The following EYS variants were observed in gnomAD, a reference collection of about 807,000 sequenced individuals.
EYS encodes the protein protein eyes shut homolog.
EYS carries 250 observed loss-of-function variants against 282.1 expected under a neutral mutation model. The ratio of observed to expected loss-of-function variants is 0.89; its 90% confidence interval spans 0.80 to 0.98. The LOEUF is 0.98. Ranked by LOEUF, EYS falls within the 50% of genes least tolerant of loss-of-function variation. The pLI is 0.00. For missense variants in EYS, 4,016 were observed against 3,709.0 expected (o/e 1.08, Z -2.15); for synonymous variants, 1,355 against 1,282.9 (o/e 1.06, Z -1.20).
intron 30 of EYS, among the ~76,000 whole-genome samples, chr6:64,237,492 A>G (rs948734045): frequency 1.3e-5 from 2 of 152,166 alleles, no homozygotes; most frequent in African/African-American, 4.8e-5. Context: ...CATCTCTTGT[A>G]CTATTTCAGT....
intron 14 of EYS, among the ~76,000 whole-genome samples, chr6:64,989,799 TACACACACACACACACAC>T (rs3033931): frequency 7.1e-6 from 1 of 140,148 alleles, no homozygotes; most frequent in African/African-American, 2.6e-5. Flanking sequence ...TATATATTCA[TACACACACACACACACAC>T]ACACACACAC....
intron 12 of EYS, among the ~76,000 whole-genome samples, chr6:65,218,680 T>G (rs948947559): frequency 6.6e-6 from 1 of 152,138 alleles, no homozygotes; most frequent in African/African-American, 2.4e-5. Context: ...CCACTCAAGA[T>G]TTGTGAGAAA....
intron 33 of EYS, among the ~76,000 whole-genome samples, chr6:64,050,415 TCTC>T (rs1239625517): frequency 8.5e-5 from 13 of 152,194 alleles, no homozygotes; most frequent in African/African-American, 2.7e-4. Context: ...ATTTTTCCCT[TCTC>T]CTCTTAACTA....
At chr6:64,949,987 A>G (rs1769429962) in intron 14 of EYS, among the ~76,000 whole-genome samples, 1 of 151,940 alleles carries the variant, frequency 6.6e-6, no homozygotes, top group Non-Finnish European at 1.5e-5. Flanking sequence ...ACGTCAAAGA[A>G]TAATTGACAG....
At chr6:64,082,608 A>G (rs879909551) in intron 31 of EYS, among the ~76,000 whole-genome samples, 1 of 152,092 alleles carries the variant, frequency 6.6e-6, no homozygotes, top group Admixed American at 6.5e-5. Context: ...AGGTTAGAGA[A>G]CTGTCACACA....
chr6:64,456,461 T>C (rs1775562344), intron 26 of EYS, among the ~76,000 whole-genome samples: 1 of 152,176 alleles, frequency 6.6e-6, no homozygotes, highest in South Asian at 2.1e-4. Context: ...TGTTTACCAA[T>C]TACATATATG....
chr6:65,206,631 C>T (rs1355057257), intron 12 of EYS, among the ~76,000 whole-genome samples: 3 of 151,684 alleles, frequency 2.0e-5, no homozygotes, highest in Non-Finnish European at 4.4e-5. Flanking sequence ...AAATCCTCAA[C>T]AAAATGCAAG....
intron 35 of EYS, among the ~76,000 whole-genome samples, chr6:63,865,453 T>C (rs530292766): frequency 1.4e-5 from 2 of 140,068 alleles, no homozygotes; most frequent in South Asian, 4.9e-4. Flanking sequence ...AGAATTCCAT[T>C]TAATCTTTTC....
At chr6:64,528,066 A>G (rs1409286518) in intron 26 of EYS, among the ~76,000 whole-genome samples, 1 of 151,908 alleles carries the variant, frequency 6.6e-6, no homozygotes, top group African/African-American at 2.4e-5. Flanking sequence ...GTAGAAAATT[A>G]GGTCATATGG....
chr6:64,570,618 G>T (rs552744165), intron 26 of EYS, among the ~76,000 whole-genome samples: 8 of 152,016 alleles, frequency 5.3e-5, no homozygotes, highest in African/African-American at 1.9e-4. Flanking sequence ...GCAAAAAAAA[G>T]CAGGGATTGC....
chr6:65,621,811 T>G (rs1477780155), intron 2 of EYS, among the ~76,000 whole-genome samples: 1 of 152,112 alleles, frequency 6.6e-6, no homozygotes, highest in Non-Finnish European at 1.5e-5. Flanking sequence ...TTTAAATGTT[T>G]CCTTGATGTG....
chr6:65,282,019 T>G (rs893049582), intron 12 of EYS, among the ~76,000 whole-genome samples: 1 of 151,884 alleles, frequency 6.6e-6, no homozygotes, highest in East Asian at 1.9e-4. Flanking sequence ...ATATGTGGAA[T>G]CTTAAACGAT....
chr6:64,568,231 A>G (rs17403480), intron 26 of EYS, among the ~76,000 whole-genome samples: 14,893 of 152,192 alleles, frequency 0.098, 871 homozygotes, highest in Non-Finnish European at 0.13. Flanking sequence ...CAGAAAACTG[A>G]TAAGAATGGA....
intron 36 of EYS, among the ~76,000 whole-genome samples, chr6:63,837,466 C>T (rs985621521): frequency 6.6e-6 from 1 of 151,906 alleles, no homozygotes; most frequent in South Asian, 2.1e-4. Flanking sequence ...CTGAACAAGA[C>T]CCCAGAAAGG....
chr6:64,260,869 C>A (rs1242069081), intron 30 of EYS, among the ~76,000 whole-genome samples: 1 of 151,148 alleles, frequency 6.6e-6, no homozygotes, highest in Non-Finnish European at 1.5e-5. Flanking sequence ...ATTTGTATAT[C>A]TTTTTTTAGT....
At chr6:64,429,899 T>C (rs1438734730) in intron 28 of EYS, among the ~76,000 whole-genome samples, 3 of 152,200 alleles carry the variant, frequency 2.0e-5, no homozygotes, top group Non-Finnish European at 4.4e-5. Flanking sequence ...TAAAGTAAAA[T>C]CAGTATTCCA....
intron 5 of EYS, among the ~76,000 whole-genome samples, chr6:65,427,569 T>C (rs1426835462): frequency 6.6e-6 from 1 of 152,094 alleles, no homozygotes; most frequent in Non-Finnish European, 1.5e-5. Flanking sequence ...TTTTTTTCAT[T>C]ACAGGGGTAG....
chr6:64,227,304 CT>C (rs1379077967), intron 31 of EYS, among the ~76,000 whole-genome samples: 3 of 151,874 alleles, frequency 2.0e-5, no homozygotes, highest in African/African-American at 7.3e-5. Context: ...ACATTAACTT[CT>C]TTGGTTTGAC....
intron 5 of EYS, among the ~76,000 whole-genome samples, chr6:65,487,804 T>C (rs1258813773): frequency 3.4e-5 from 5 of 149,016 alleles, no homozygotes; most frequent in African/African-American, 9.8e-5. Context: ...CATCGGGACC[T>C]GGACTTTTTT....
Sources: allele counts gnomAD v4.1 joint callset (sites outside exome capture counted in the v4.1 genomes callset), GRCh38; gene constraint gnomAD v4.1.1; transcripts MANE v1.5; gene names NCBI Gene and HGNC (gene_info 2026-07-23, HGNC 2026-07-21).